The following ADRA1A variants were observed in gnomAD, a reference collection of about 807,000 sequenced individuals.
ADRA1A encodes alpha-1A adrenergic receptor.
In ADRA1A, 31 loss-of-function variants were observed where a neutral mutation model predicts 29.6. The observed-to-expected ratio is 1.05, with a 90% CI of 0.79 to 1.41. The LOEUF is 1.41. Among genes scored for constraint, ADRA1A ranks in the 40% most tolerant of loss-of-function variants. ADRA1A has a pLI of 0.00. For missense variants in ADRA1A, 619 were observed against 601.1 expected, an observed-to-expected ratio of 1.03 and a Z score of -0.31; for synonymous variants, 311 against 254.3, an observed-to-expected ratio of 1.22 and a Z score of -2.12.
At chr8:26,763,816 G>T (rs557222782), downstream of ADRA1A, among the ~76,000 whole-genome samples, 73 of 152,176 alleles carry the variant, frequency 4.8e-4, no homozygotes, top group Non-Finnish European at 9.1e-4. This position sits in a 1 kb window ranked among gnomAD's most constrained non-coding sequence, Gnocchi z 4.5. Context: ...ATTTTAGAGG[G>T]TTGTCCCCCT....
chr8:26,858,929 G>T, intron 2 of ADRA1A: 2 of 649,322 alleles, frequency 3.1e-6, no homozygotes, highest in Non-Finnish European at 4.2e-6. Context: ...GCTATTCAAT[G>T]CAGCAAGCAA....
At chr8:26,804,966 C>T (rs186747895) in intron 2 of ADRA1A, among the ~76,000 whole-genome samples, 2 of 152,318 alleles carry the variant, frequency 1.3e-5, no homozygotes, top group South Asian at 2.1e-4. Flanking sequence ...GAGTCAGTCT[C>T]TCTCTCTCAC....
downstream of ADRA1A, among the ~76,000 whole-genome samples, chr8:26,752,635 C>T (rs1157690): frequency 0.76 from 115,004 of 152,104 alleles, 44,103 homozygotes; most frequent in East Asian, 0.88. Context: ...AGCTCTTTTG[C>T]CCTAACTGCC....
rs894874373 is a variant in ADRA1A at position 26,841,416 on chromosome 8, C to G, written c.883+22671G>C. Among the ~76,000 whole-genome samples, 1 of 152,184 alleles carries G rather than the reference C, an allele frequency of 6.6e-6. No individual in the cohort carries two copies. The highest frequency in any genetic ancestry group is 2.1e-4 in the South Asian group (1 of 4,832). On this transcript the variant is annotated intron_variant, in intron 2 of 2. Coordinates refer to ENST00000380573, the MANE Select transcript of ADRA1A (RefSeq NM_000680.4). The surrounding 1 kb of genome is among the most constrained non-coding windows in gnomAD (Gnocchi z 4.4). ...TACTCCCTTCTAACTGTGAAGGCAT[C>G]GGGCTTTCCCAGATATCCTTTGCAT...
Position 26,770,632 on chromosome 8 carries a change from T to G in ADRA1A, c.918A>C (p.Thr306=). The change falls in exon 3 of 3, where the codon ACA becomes ACC. Residue 306 remains threonine (T), a synonymous_variant. Transcript: ENST00000380573. ...CGAGCCAAAATACTATTTTAAAAAC[T>G]GTTTCAGAGGGCTTGAAATCAGGGA... is the stretch of plus-strand genomic sequence containing the variant. ...SFFPDFKPSE[T]VFKIVFWLGY... 1.2e-6 allele frequency: 2 copies of G among 1,613,398 alleles called. No homozygotes were observed. The highest frequency in any genetic ancestry group is 1.7e-6 in the Non-Finnish European group (2 of 1,179,514).
At chr8:26,845,448 A>G (rs966749298) in intron 2 of ADRA1A, among the ~76,000 whole-genome samples, 2 of 152,246 alleles carry the variant, frequency 1.3e-5, no homozygotes, top group Non-Finnish European at 2.9e-5. Flanking sequence ...AATGGTGAGG[A>G]TGTAGAGAAA....
At chr8:26,748,851 C>T (rs964745941) in intron 2 of ADRA1A, 7 of 359,656 alleles carry the variant, frequency 1.9e-5, no homozygotes, top group African/African-American at 1.3e-4. Flanking sequence ...TCCCAGCTTG[C>T]ATTTGGCCAA....
intron 2 of ADRA1A, among the ~76,000 whole-genome samples, chr8:26,835,197 G>A (rs1811256411): frequency 6.6e-6 from 1 of 152,176 alleles, no homozygotes. Flanking sequence ...ACTTTAGCTA[G>A]CAATTCTTTA....
downstream of ADRA1A, among the ~76,000 whole-genome samples, chr8:26,755,533 G>T (rs13265198): frequency 6.6e-6 from 1 of 152,174 alleles, no homozygotes; most frequent in Non-Finnish European, 1.5e-5. Flanking sequence ...CCCAGCACAC[G>T]CCTGAGGTTC....
intron 2 of ADRA1A, among the ~76,000 whole-genome samples, chr8:26,827,570 A>G (rs1445516638): frequency 6.6e-6 from 1 of 152,134 alleles, no homozygotes; most frequent in South Asian, 2.1e-4. Flanking sequence ...CCGTGTCCTC[A>G]CAAGGTGGAA....
At chr8:26,832,722 G>A (rs1249214114) in intron 2 of ADRA1A, among the ~76,000 whole-genome samples, 5 of 152,170 alleles carry the variant, frequency 3.3e-5, no homozygotes, top group Non-Finnish European at 5.9e-5. Flanking sequence ...ACTCTGAGAC[G>A]GAGGTTTGCC....
intron 2 of ADRA1A, among the ~76,000 whole-genome samples, chr8:26,822,165 GAA>G (rs1295446963): frequency 1.3e-5 from 2 of 152,208 alleles, no homozygotes; most frequent in African/African-American, 4.8e-5. Context: ...AAGAATTTGT[GAA>G]AGTCTTTCCA....
chr8:26,810,828 A>T (rs1469121059), intron 2 of ADRA1A, among the ~76,000 whole-genome samples: 1 of 152,158 alleles, frequency 6.6e-6, no homozygotes, highest in Non-Finnish European at 1.5e-5. Flanking sequence ...ACTGACCCGA[A>T]ATAGTTTGTA....
rs2130806051 is a variant in ADRA1A at position 26,865,988 on chromosome 8, GC to G, written c.-686-334del. On this transcript the variant is annotated intron_variant, in intron 1 of 2. Coordinates refer to ENST00000380573, the MANE Select transcript of ADRA1A (RefSeq NM_000680.4). The surrounding 1 kb of genome is among the most constrained non-coding windows in gnomAD (Gnocchi z 7.6). ...GTACCACGAAATTAAAATCCTCGAA[GC>G]CCCGGAGGGGCGACTGCGGCTGGCG... 6.6e-6 allele frequency among the ~76,000 whole-genome samples: 1 copy of G among 152,324 alleles called. No homozygotes were observed. The highest frequency in any genetic ancestry group is 2.1e-4 in the South Asian group (1 of 4,820).
At chr8:26,781,968 T>C (rs538806895) in intron 2 of ADRA1A, among the ~76,000 whole-genome samples, 1 of 152,226 alleles carries the variant, frequency 6.6e-6, no homozygotes, top group East Asian at 1.9e-4. Context: ...GGAAAATGGG[T>C]TTTTGCTTCC....
At chr8:26,826,152 T>G (rs1810545973) in intron 2 of ADRA1A, among the ~76,000 whole-genome samples, 1 of 152,226 alleles carries the variant, frequency 6.6e-6, no homozygotes, top group South Asian at 2.1e-4. Flanking sequence ...CATGGAACCT[T>G]AAGTTTCTTC....
chr8:26,784,889 TG>T (rs1236012984), intron 2 of ADRA1A, among the ~76,000 whole-genome samples: 1 of 152,172 alleles, frequency 6.6e-6, no homozygotes, highest in Admixed American at 6.5e-5. Flanking sequence ...CCCTGGAACT[TG>T]GCTTTACCAT....
chr8:26,786,509 C>T (rs936830733), intron 2 of ADRA1A, among the ~76,000 whole-genome samples: 1 of 151,894 alleles, frequency 6.6e-6, no homozygotes, highest in Non-Finnish European at 1.5e-5. Context: ...AAATGATCCA[C>T]GTGCCTCAGC....
chr8:26,768,702 C>T (rs1273064302), downstream of ADRA1A: 31 of 173,960 alleles, frequency 1.8e-4, no homozygotes, highest in Admixed American at 1.9e-3. Context: ...TGGGTCCCAT[C>T]CCAGAGATAT....
Sources: allele counts gnomAD v4.1 joint callset (sites outside exome capture counted in the v4.1 genomes callset), GRCh38; gene constraint gnomAD v4.1.1; non-coding constraint Gnocchi (gnomAD v3.1); transcripts MANE v1.5; gene names NCBI Gene and HGNC (gene_info 2026-07-23, HGNC 2026-07-21).